Variants in SLC8A1 observed in about 807,000 individuals in gnomAD.
SLC8A1 encodes the protein solute carrier family 8 member A1.
A neutral mutation model predicts 68.3 loss-of-function variants in SLC8A1; 18 were observed. That is an observed-to-expected ratio of 0.26 (90% confidence interval 0.18 to 0.39). The LOEUF (loss-of-function observed/expected upper bound fraction) is 0.39, where lower values mean the gene tolerates loss of function less well. SLC8A1 is among the 10% of genes least tolerant of loss of function. The probability of loss-of-function intolerance (pLI) is 1.00; values close to 1 mark genes in which losing one functional copy is unlikely to be tolerated. For synonymous variants in SLC8A1, 475 were observed against 415.5 expected, an observed-to-expected ratio of 1.14 and a Z score of -1.74; for missense variants, 985 against 1,156.7, an observed-to-expected ratio of 0.85 and a Z score of 2.15.
Position 40,271,228 on chromosome 2 carries a change from G to T in SLC8A1, c.1809-93373C>A, listed in dbSNP as rs568988876. 3.3e-5 allele frequency among the ~76,000 whole-genome samples: 5 copies of T among 149,904 alleles called. No individual in the cohort carries two copies. The East Asian group carries it at 7.9e-4, about 24-fold the overall frequency. The stretch of plus-strand genomic sequence containing the variant: ...ATCTGGCTCACTACTCCTCTCTCAC[G>T]TCCCCTCCCACTCCTCTCCCACCTC... On this transcript the variant is annotated intron_variant, in intron 2 of 7. Coordinates refer to ENST00000406785, the Ensembl canonical transcript of SLC8A1.
At chr2:40,242,592 T>A (rs2061364631) in intron 2 of SLC8A1, among the ~76,000 whole-genome samples, 1 of 152,232 alleles carries the variant, frequency 6.6e-6, no homozygotes, top group Admixed American at 6.5e-5. Flanking sequence ...GTCAAAGGTC[T>A]ACAAATGTCA....
intron 2 of SLC8A1, among the ~76,000 whole-genome samples, chr2:40,323,032 A>T (rs1238604475): frequency 1.3e-5 from 2 of 152,314 alleles, no homozygotes; most frequent in African/African-American, 4.8e-5. Context: ...TTAAAATTGA[A>T]GGATTATATA....
intron 2 of SLC8A1, among the ~76,000 whole-genome samples, chr2:40,232,829 A>G (rs1265502103): frequency 7.5e-6 from 1 of 134,194 alleles, no homozygotes; most frequent in Non-Finnish European, 1.6e-5. Context: ...ATTCCCACCT[A>G]TGAGTGAGAA....
exon 5 of SLC8A1, chr2:40,164,965 C>A (rs1324314246): frequency 6.2e-7 from 1 of 1,613,868 alleles, no homozygotes; most frequent in East Asian, 2.2e-5. Flanking sequence ...TGGTCAGTGG[C>A]TGCTTGTCAT....
In SLC8A1 at chr2:40,380,966, T is replaced by C. The variant is rs1161403845; in HGVS notation, c.1808+47507A>G. Among the ~76,000 whole-genome samples the C allele has an allele frequency of 3.9e-5, 6 of 152,104 alleles. No homozygotes were observed. The East Asian group carries it at 1.2e-3, about 30-fold the overall frequency. On this transcript the variant is annotated intron_variant, in intron 2 of 7. Coordinates refer to ENST00000406785, the Ensembl canonical transcript of SLC8A1. The stretch of plus-strand genomic sequence containing the variant: ...GATTCTTCTCCTCTCTCTGACTCAC[T>C]GATTTTCCACACCTTTCAGTGTCCG...
chr2:40,412,379 C>T (rs1000529206), intron 2 of SLC8A1, among the ~76,000 whole-genome samples: 2 of 152,106 alleles, frequency 1.3e-5, no homozygotes, highest in Non-Finnish European at 2.9e-5. Flanking sequence ...AGGGATATTA[C>T]ATCTATTTTG....
exon 8 of SLC8A1, chr2:40,110,858 G>A (rs2034513368): frequency 1.3e-5 from 2 of 152,234 alleles, no homozygotes; most frequent in South Asian, 4.1e-4. Flanking sequence ...AGAGGATGGA[G>A]GGCATCATCA....
chr2:40,171,388 C>CTA (rs1468487551), intron 4 of SLC8A1, among the ~76,000 whole-genome samples: 1 of 152,146 alleles, frequency 6.6e-6, no homozygotes, highest in Non-Finnish European at 1.5e-5. Flanking sequence ...TTAGAGAACT[C>CTA]TATATCTTAG....
At chr2:40,494,830 C>G (rs909743590) in intron 1 of SLC8A1, among the ~76,000 whole-genome samples, 3 of 151,234 alleles carry the variant, frequency 2.0e-5, no homozygotes, top group African/African-American at 7.3e-5. Context: ...GTTGGATGAT[C>G]TTAGTTATAT....
chr2:40,481,775 T>G (rs1288531890), intron 1 of SLC8A1, among the ~76,000 whole-genome samples: 2 of 152,216 alleles, frequency 1.3e-5, no homozygotes, highest in African/African-American at 4.8e-5. Flanking sequence ...CAGTTCTTCA[T>G]GTCTCCATCG....
chr2:40,309,537 C>T (rs919670956), intron 2 of SLC8A1, among the ~76,000 whole-genome samples: 4 of 140,324 alleles, frequency 2.9e-5, no homozygotes, highest in African/African-American at 5.2e-5. Flanking sequence ...GACGGAGTCT[C>T]GCTCTGTTGC....
Position 40,410,986 on chromosome 2 carries a change from C to T in SLC8A1, c.1808+17487G>A, listed in dbSNP as rs967042140. Among the ~76,000 whole-genome samples, 9 of 152,022 alleles carry T rather than the reference C, an allele frequency of 5.9e-5. No individual in the cohort carries two copies. In the East Asian group the frequency reaches 1.7e-3, roughly 29 times the overall value. On this transcript the variant is annotated intron_variant, in intron 2 of 7. Transcript: ENST00000406785. The stretch of plus-strand genomic sequence containing the variant: ...GTGCCCTTTCTATAGTACTGCAATA[C>T]AGCTGCAGGCTTGATAAATGATTTT...
intron 2 of SLC8A1, chr2:40,337,389 C>A: frequency 3.3e-6 from 1 of 301,274 alleles, no homozygotes; most frequent in Non-Finnish European, 7.5e-6. Flanking sequence ...TTTTCTCACC[C>A]GAGGACCCTA....
chr2:40,229,968 A>G (rs1412354409), intron 2 of SLC8A1, among the ~76,000 whole-genome samples: 1 of 152,168 alleles, frequency 6.6e-6, no homozygotes, highest in Non-Finnish European at 1.5e-5. Context: ...TTATTGTTCT[A>G]TGAAAAATCT....
chr2:40,438,972 T>A (rs1034174799), intron 1 of SLC8A1, among the ~76,000 whole-genome samples: 3 of 151,990 alleles, frequency 2.0e-5, no homozygotes, highest in Non-Finnish European at 2.9e-5. Flanking sequence ...CAGAAAACAG[T>A]GTTTGTTCTA....
At chr2:40,424,949 G>A (rs1400187027) in intron 2 of SLC8A1, among the ~76,000 whole-genome samples, 1 of 151,712 alleles carries the variant, frequency 6.6e-6, no homozygotes, top group Admixed American at 6.6e-5. Context: ...CATTAAACTA[G>A]AACCATTAAA....
intron 1 of SLC8A1, among the ~76,000 whole-genome samples, chr2:40,442,612 T>C (rs1408346857): frequency 6.6e-6 from 1 of 152,166 alleles, no homozygotes; most frequent in Non-Finnish European, 1.5e-5. Context: ...CAATAGATGC[T>C]GGTGAGGCTG....
chr2:40,168,245 CTTCCTTTCCTGAAGGAAGCT>C (rs1054524896), intron 4 of SLC8A1, among the ~76,000 whole-genome samples: 3 of 152,122 alleles, frequency 2.0e-5, no homozygotes, highest in Admixed American at 6.5e-5. Context: ...GGAAGGAAGC[CTTCCTTTCCTGAAGGAAGCT>C]TCAGGAAAGA....
intron 2 of SLC8A1, among the ~76,000 whole-genome samples, chr2:40,390,641 T>C (rs72941959): frequency 0.017 from 2,640 of 152,212 alleles, 92 homozygotes; most frequent in African/African-American, 0.06. Flanking sequence ...TCTTATCCTA[T>C]AGACAGATCA....
Sources: allele counts gnomAD v4.1 joint callset (sites outside exome capture counted in the v4.1 genomes callset), GRCh38; gene constraint gnomAD v4.1.1; transcripts MANE v1.5; gene names NCBI Gene and HGNC (gene_info 2026-07-23, HGNC 2026-07-21).